MIA2: variants seen among roughly 807,000 people sequenced by gnomAD.
MIA2 encodes the protein melanoma inhibitory activity protein 2.
MIA2 carries 127 observed loss-of-function variants against 167.8 expected under a neutral mutation model. The observed-to-expected ratio is 0.76, with a 90% CI of 0.66 to 0.88. The LOEUF (loss-of-function observed/expected upper bound fraction) is 0.88, where lower values mean the gene tolerates loss of function less well. MIA2 is among the 40% of genes least tolerant of loss of function. The pLI is 0.00. For synonymous variants in MIA2, 552 were observed against 541.9 expected, an observed-to-expected ratio of 1.02 and a Z score of -0.26; for missense variants, 1,690 against 1,624.7, an observed-to-expected ratio of 1.04 and a Z score of -0.69.
intron 23 of MIA2, among the ~76,000 whole-genome samples, chr14:39,358,992 G>A (rs1040852552): frequency 2.0e-5 from 3 of 152,244 alleles, no homozygotes; most frequent in Admixed American, 2.0e-4. Context: ...TAGGCTACTC[G>A]GGGGTCAGGG....
rs768787526 is a variant in MIA2 at position 39,279,521 on chromosome 14, G to A, written c.2114G>A (p.Ser705Asn). 1.2e-6 allele frequency: 2 copies of A among 1,603,922 alleles called. No individual in the cohort carries two copies. Among genetic ancestry groups the A allele is most frequent in the Non-Finnish European group, 1.7e-6 (2 of 1,175,948 alleles). ...AAAAGTAAACTACTTGAAAAATTTA[G>A]CCTTGTTCAAAAAGAGGTAAGATAT... ...EEKSKLLEKF[S>N]LVQKEYEGYE... is the part of the protein sequence containing the mutation. Residue 705 changes from serine to asparagine, a missense_variant, in exon 9 of 29, where the codon AGC becomes AAC. Coordinates refer to ENST00000640607, the MANE Select transcript of MIA2 (RefSeq NM_001329214.4).
chr14:39,284,759 AT>A (rs942039155), intron 9 of MIA2, among the ~76,000 whole-genome samples: 14 of 128,386 alleles, frequency 1.1e-4, no homozygotes, highest in East Asian at 4.6e-4. Context: ...TCTTTTTTTT[AT>A]TTTTTTTTTA....
intron 23 of MIA2, among the ~76,000 whole-genome samples, chr14:39,356,792 C>G (rs918444631): frequency 6.6e-6 from 1 of 152,128 alleles, no homozygotes; most frequent in Non-Finnish European, 1.5e-5. Context: ...TTTATTTCTG[C>G]CTTTATTTCG....
At chr14:39,306,548 A>G (rs534510935) in intron 17 of MIA2, among the ~76,000 whole-genome samples, 3 of 151,988 alleles carry the variant, frequency 2.0e-5, no homozygotes, top group Non-Finnish European at 4.4e-5. Flanking sequence ...TGGTCCAATC[A>G]CCTCCCATCT....
chr14:39,275,050 C>T (rs1594881609), intron 6 of MIA2, among the ~76,000 whole-genome samples: 2 of 145,420 alleles, frequency 1.4e-5, no homozygotes, highest in Non-Finnish European at 3.0e-5. Context: ...ACTCCAGCCT[C>T]GGCAACAGAG....
intron 23 of MIA2, among the ~76,000 whole-genome samples, chr14:39,383,195 G>C (rs1191888449): frequency 6.6e-6 from 1 of 152,058 alleles, no homozygotes; most frequent in Non-Finnish European, 1.5e-5. Flanking sequence ...TTGAAGGTTT[G>C]TGGCAACTCT....
At chr14:39,277,211 T>C in intron 7 of MIA2, 146 bp downstream of exon 7, 1 of 1,095,370 alleles carries the variant, frequency 9.1e-7, no homozygotes. Flanking sequence ...TTTTGTTTTT[T>C]TTAAAAGAGA....
intron 4 of MIA2, among the ~76,000 whole-genome samples, chr14:39,251,387 A>C (rs2054566746): frequency 7.1e-6 from 1 of 140,860 alleles, no homozygotes; most frequent in Non-Finnish European, 1.5e-5. Context: ...GCAATGATAA[A>C]AGCATATCTG....
At chr14:39,286,535 T>C (rs532293597) in intron 9 of MIA2, among the ~76,000 whole-genome samples, 1 of 152,300 alleles carries the variant, frequency 6.6e-6, no homozygotes, top group African/African-American at 2.4e-5. Flanking sequence ...TGTTTTGATA[T>C]TATATCCTGC....
intron 10 of MIA2, among the ~76,000 whole-genome samples, chr14:39,291,723 T>G (rs1017136971): frequency 1.3e-5 from 2 of 152,172 alleles, no homozygotes; most frequent in African/African-American, 4.8e-5. Context: ...TCTTGGAAGA[T>G]AATGCTTAAA....
rs1213689340 is a variant in MIA2 at position 39,387,028 on chromosome 14, G to T, written c.*76G>T. 11 of 727,516 alleles carry T rather than the reference G, an allele frequency of 1.5e-5. 1 individual carries two copies. In the South Asian group the frequency reaches 1.8e-4, roughly 12 times the overall value. 45.1% of individuals were successfully genotyped at this position (727,516 alleles called of 1,614,324 possible). A position where few individuals can be genotyped will look rare whatever the true frequency, so the allele number is the denominator to read the frequency against. On this transcript the variant is annotated 3_prime_UTR_variant, in exon 24 of 24. Transcript: ENST00000341502. Reference sequence around the variant, plus strand: ...TGTTCAAGTGGAACAGAAGCCAGAAGGCCCTACAGTGCCGGGTAGCTGGCG... The same window carrying T: ...TGTTCAAGTGGAACAGAAGCCAGAATGCCCTACAGTGCCGGGTAGCTGGCG...
chr14:39,341,158 C>T (rs1273407766), intron 25 of MIA2, among the ~76,000 whole-genome samples: 2 of 151,876 alleles, frequency 1.3e-5, no homozygotes, highest in Non-Finnish European at 2.9e-5. Context: ...AAAAATTAGC[C>T]GGGTGTGGTG....
intron 6 of MIA2, chr14:39,266,449 G>A (rs750250467): frequency 7.1e-6 from 7 of 985,472 alleles, no homozygotes; most frequent in Non-Finnish European, 8.4e-6. Flanking sequence ...GGTCCACGGG[G>A]ATTTGATTTA....
chr14:39,296,870 C>CGTTCA (rs1427330007), intron 13 of MIA2, among the ~76,000 whole-genome samples: 1 of 151,228 alleles, frequency 6.6e-6, no homozygotes, highest in African/African-American at 2.4e-5. Context: ...CCACCTCCCG[C>CGTTCA]GTTCAAGTGA....
Position 39,291,064 on chromosome 14 carries a change from G to C in MIA2, c.2176G>C (p.Glu726Gln). ...VESSLKDASFEKEATEAQSLE... is the reference protein window; with the variant it reads ...VESSLKDASFQKEATEAQSLE... ...GTCATCTTTAAAGGATGCCAGCTTT[G>C]AGAAGGAGGCAACAGAAGCACAAAG... is the stretch of plus-strand genomic sequence containing the variant. Residue 726 changes from glutamate (E) to glutamine (Q), a missense_variant, in exon 10 of 29, where the codon GAG becomes CAG. Transcript: ENST00000640607. The C allele has an allele frequency of 6.2e-7, 1 of 1,607,364 alleles. No homozygotes were observed. Among genetic ancestry groups the C allele is most frequent in the Non-Finnish European group, 8.5e-7 (1 of 1,177,796 alleles).
rs1566746559 is a variant in MIA2, at chr14:39,288,447, A to ATTTTTTTT, written c.2131-2571_2131-2570insTTTTTTTT. ...ATATATTATACATATATATATATATATATATATATATATATATATATATAT... is the reference window on the plus strand; with the variant it reads ...ATATATTATACATATATATATATATATTTTTTTTTATATATATATATATATATATATAT... On this transcript the variant is annotated intron_variant, in intron 9 of 28. Coordinates refer to ENST00000640607, the MANE Select transcript of MIA2 (RefSeq NM_001329214.4). Among the ~76,000 whole-genome samples the ATTTTTTTT allele has an allele frequency of 6.6e-4, 3 of 4,574 alleles. 1 individual carries two copies. Among genetic ancestry groups the ATTTTTTTT allele is most frequent in the African/African-American group, 6.0e-4 (1 of 1,654 alleles). 3.0% of individuals were successfully genotyped at this position (4,574 alleles called of 152,430 possible).
exon 24 of MIA2, chr14:39,387,188 A>G (rs2139386347): frequency 2.3e-6 from 1 of 438,550 alleles, no homozygotes; most frequent in Non-Finnish European, 4.0e-6. Context: ...CATAGATAGT[A>G]TTTCATCTGA....
chr14:39,234,253 TCTC>T (rs1173324274), intron 1 of MIA2, 24 bp downstream of exon 1: 1 of 1,462,942 alleles, frequency 6.8e-7, no homozygotes, highest in South Asian at 1.2e-5. Context: ...CCCCGCTTCT[TCTC>T]CTCCTAAATT....
chr14:39,329,994 A>AG (rs1471092552), intron 25 of MIA2, among the ~76,000 whole-genome samples: 1 of 152,196 alleles, frequency 6.6e-6, no homozygotes, highest in Non-Finnish European at 1.5e-5. Context: ...AAAATGAGCT[A>AG]GGGAGGATTC....
Sources: allele counts gnomAD v4.1 joint callset (sites outside exome capture counted in the v4.1 genomes callset), GRCh38; gene constraint gnomAD v4.1.1; transcripts MANE v1.5; gene names NCBI Gene and HGNC (gene_info 2026-07-23, HGNC 2026-07-21).